The following C1QTNF1 variants were observed in gnomAD, a reference collection of about 807,000 sequenced individuals.
C1QTNF1 encodes C1q and TNF related 1, also known as complement C1q tumor necrosis factor-related protein 1.
C1QTNF1 carries 22 observed loss-of-function variants against 27.8 expected under a neutral mutation model. That is an observed-to-expected ratio of 0.79 (90% CI 0.56 to 1.13). The LOEUF (loss-of-function observed/expected upper bound fraction) is 1.13. C1QTNF1 is among the 50% of genes most tolerant of loss of function. The probability of loss-of-function intolerance (pLI) is 0.00; values close to 1 mark genes in which losing one functional copy is unlikely to be tolerated. For synonymous variants in C1QTNF1, 166 were observed against 154.3 expected, an observed-to-expected ratio of 1.08 and a Z score of -0.56; for missense variants, 373 against 380.2, an observed-to-expected ratio of 0.98 and a Z score of 0.16.
In C1QTNF1 at chr17:79,040,730, CAAAAAAAAAA is replaced by C. The variant is rs60302649; in HGVS notation, c.-14-3210_-14-3201del. Among the ~76,000 whole-genome samples the C allele has an allele frequency of 3.2e-4, 18 of 56,946 alleles. 1 individual carries two copies. The highest frequency in any genetic ancestry group is 2.3e-4 in the Non-Finnish European group (6 of 25,744). 37.4% of individuals were successfully genotyped at this position (56,946 alleles called of 152,430 possible). A position where few individuals can be genotyped will look rare whatever the true frequency, so the allele number is the denominator to read the frequency against. On this transcript the variant is annotated intron_variant, in intron 1 of 3. Coordinates refer to ENST00000579760, the MANE Select transcript of C1QTNF1 (RefSeq NM_030968.5). ...GCAACATGGTGAAAATTTGTCTCTA[CAAAAAAAAAA>C]AAAAAAAAAAAAAATTAGCTGGGTG...
At chr17:79,036,087 G>A (rs1363961864) in intron 1 of C1QTNF1, among the ~76,000 whole-genome samples, 2 of 152,224 alleles carry the variant, frequency 1.3e-5, no homozygotes, top group Non-Finnish European at 2.9e-5. Flanking sequence ...TTTTAATCTA[G>A]AACAGAGCTG....
At chr17:79,039,895 G>C (rs1318457809) in intron 1 of C1QTNF1, among the ~76,000 whole-genome samples, 1 of 151,800 alleles carries the variant, frequency 6.6e-6, no homozygotes, top group East Asian at 1.9e-4. Context: ...AATATTTAAA[G>C]AAAGGAAAAT....
chr17:79,043,594 T>TTG, intron 1 of C1QTNF1: 2 of 448,438 alleles, frequency 4.5e-6, no homozygotes, highest in Non-Finnish European at 8.9e-6. Context: ...TACATGTGTG[T>TTG]GGATTGCATG....
At position 79,049,725 on chromosome 17, in the gene C1QTNF1, C is replaced by T. The variant is rs1233951533; in HGVS notation, c.*1637C>T. The T allele has an allele frequency of 6.6e-6, 1 of 152,298 alleles. No individual in the cohort carries two copies. Among genetic ancestry groups the T allele is most frequent in the Non-Finnish European group, 1.5e-5 (1 of 68,086 alleles). 9.4% of individuals were successfully genotyped at this position (152,298 alleles called of 1,614,324 possible). Reference sequence around the variant, plus strand: ...GCGTGCCCGGAAGCAGAGCGCCACACTCGCTGCTTAAGCTCCCCCAGCTCT... The same window carrying T: ...GCGTGCCCGGAAGCAGAGCGCCACATTCGCTGCTTAAGCTCCCCCAGCTCT... On this transcript the variant is annotated 3_prime_UTR_variant, in exon 4 of 4. Coordinates refer to ENST00000579760, the MANE Select transcript of C1QTNF1 (RefSeq NM_030968.5). This position sits in a 1 kb window ranked among gnomAD's most constrained non-coding sequence, Gnocchi z 4.4.
chr17:79,025,819 CT>C, intron 1 of C1QTNF1: 1 of 294,842 alleles, frequency 3.4e-6, no homozygotes, highest in Non-Finnish European at 7.1e-6. Context: ...CACCCTCCCT[CT>C]TAGAGCTGCA....
At chr17:79,026,745 G>C (rs1347388595) in intron 1 of C1QTNF1, among the ~76,000 whole-genome samples, 1 of 152,154 alleles carries the variant, frequency 6.6e-6, no homozygotes, top group Admixed American at 6.5e-5. Flanking sequence ...GCCCCTCCCA[G>C]GCAGGTGCAG....
intron 1 of C1QTNF1, among the ~76,000 whole-genome samples, chr17:79,026,452 C>G (rs182692824): frequency 3.3e-5 from 5 of 152,228 alleles, no homozygotes; most frequent in Non-Finnish European, 2.9e-5. Context: ...CCGCGCCTGG[C>G]CTCCGGGGCG....
chr17:79,039,686 T>C (rs114711411), intron 1 of C1QTNF1, among the ~76,000 whole-genome samples: 3,549 of 147,686 alleles, frequency 0.024, 118 homozygotes, highest in African/African-American at 0.083. Context: ...CCAGCAATCC[T>C]TCAATGGTGC....
rs1392161505 is a variant in C1QTNF1, at chr17:79,044,082, G to A, written c.114G>A (p.Glu38=). The A allele has an allele frequency of 3.1e-6, 5 of 1,613,722 alleles. No individual in the cohort carries two copies. The Middle Eastern group carries it at 5.0e-4, about 161-fold the overall frequency. ...PHVQGEQQEW[E]GTEELPSPPD... ...TCCAGGGGGAACAGCAGGAGTGGGA[G>A]GGGACTGAGGAGCTGCCGTCGCCTC... The change falls in exon 2 of 4, where the codon GAG becomes GAA. Residue 38 remains glutamate (E), a synonymous_variant. Coordinates refer to ENST00000579760, the MANE Select transcript of C1QTNF1 (RefSeq NM_030968.5).
chr17:79,038,613 C>A (rs2072322417), intron 1 of C1QTNF1, among the ~76,000 whole-genome samples: 1 of 152,172 alleles, frequency 6.6e-6, no homozygotes. Context: ...TGCGATGAGG[C>A]CTGGAGACTG....
rs904080307 is a variant in C1QTNF1 at position 79,024,465 on chromosome 17, G to C, written c.-44G>C. 1 of 152,572 alleles carries C rather than the reference G, an allele frequency of 6.6e-6. No homozygotes were observed. Among genetic ancestry groups the C allele is most frequent in the African/African-American group, 2.4e-5 (1 of 41,446 alleles). The allele number at this position is 152,572 out of a possible 1,614,324, so 9.5% of individuals were successfully genotyped here. Reference sequence around the variant, plus strand: ...GGCCGGCGGGAGATGCTCTAGGGGCGGCGCGGGAGGAGCGGCCGGCGGGAC... The same window carrying C: ...GGCCGGCGGGAGATGCTCTAGGGGCCGCGCGGGAGGAGCGGCCGGCGGGAC... On this transcript the variant is annotated 5_prime_UTR_variant, in exon 1 of 4. Coordinates refer to ENST00000579760, the MANE Select transcript of C1QTNF1 (RefSeq NM_030968.5).
At chr17:79,030,570 T>C (rs2072114310) in intron 1 of C1QTNF1, among the ~76,000 whole-genome samples, 1 of 150,136 alleles carries the variant, frequency 6.7e-6, no homozygotes, top group Non-Finnish European at 1.5e-5. Context: ...TTTCTCTCTC[T>C]CTTTTCCTTC....
intron 1 of C1QTNF1, among the ~76,000 whole-genome samples, chr17:79,032,140 G>A (rs532829357): frequency 6.6e-6 from 1 of 152,188 alleles, no homozygotes; most frequent in Non-Finnish European, 1.5e-5. Context: ...GGGACAGGAC[G>A]AGGAAACCAA....
chr17:79,041,258 G>A (rs1412446837), intron 1 of C1QTNF1, among the ~76,000 whole-genome samples: 2 of 152,182 alleles, frequency 1.3e-5, no homozygotes, highest in African/African-American at 4.8e-5. Flanking sequence ...CTTGGAGGTG[G>A]GGGCTCCAGC....
intron 1 of C1QTNF1, among the ~76,000 whole-genome samples, chr17:79,029,317 T>A (rs1408668784): frequency 6.6e-6 from 1 of 152,216 alleles, no homozygotes; most frequent in African/African-American, 2.4e-5. Context: ...AAGTGTAATG[T>A]GCTTTGCTGT....
intron 1 of C1QTNF1, among the ~76,000 whole-genome samples, chr17:79,027,888 G>A (rs1162507460): frequency 6.6e-6 from 1 of 152,202 alleles, no homozygotes; most frequent in African/African-American, 2.4e-5. Context: ...TCCAGCAGGG[G>A]CACGGGGACC....
Position 79,046,532 on chromosome 17 carries a change from A to G in C1QTNF1, c.156-23A>G. 1.2e-6 allele frequency: 2 copies of G among 1,613,862 alleles called. No homozygotes were observed. Among genetic ancestry groups the G allele is most frequent in the Non-Finnish European group, 1.7e-6 (2 of 1,179,850 alleles). Reference sequence around the variant, plus strand: ...CCAGGCCTGAGAGTGGCTGACTTTCACTGTGATTCTTTATTCCCTCAGGGC... The same window carrying G: ...CCAGGCCTGAGAGTGGCTGACTTTCGCTGTGATTCTTTATTCCCTCAGGGC... On this transcript the variant is annotated intron_variant, in intron 2 of 3. Coordinates refer to ENST00000579760, the MANE Select transcript of C1QTNF1 (RefSeq NM_030968.5). This position sits in a 1 kb window ranked among gnomAD's most constrained non-coding sequence, Gnocchi z 4.8.
chr17:79,046,615 G>T lies in C1QTNF1; in HGVS notation c.216G>T (p.Arg72=). ...AGGACCAGGGGCTCCCTGCTTCCCG[G>T]TGCTTGCGCTGCTGTGACCCCGGTA... is the stretch of plus-strand genomic sequence containing the variant. ...PSQDQGLPAS[R]CLRCCDPGTS... is the part of the protein sequence containing the mutation. Residue 72 remains arginine (R), a synonymous_variant, in exon 3 of 4, where the codon CGG becomes CGT. Transcript: ENST00000579760. The surrounding 1 kb of genome is among the most constrained non-coding windows in gnomAD (Gnocchi z 4.8). 1.9e-6 allele frequency: 3 copies of T among 1,614,252 alleles called. No individual in the cohort carries two copies. The highest frequency in any genetic ancestry group is 2.5e-6 in the Non-Finnish European group (3 of 1,180,044).
At chr17:79,023,116 G>A (rs533756743), upstream of C1QTNF1, 1 of 152,354 alleles carries the variant, frequency 6.6e-6, no homozygotes, top group East Asian at 1.9e-4. Context: ...TGCTCTGAAT[G>A]TCCCAACCAG....
Sources: allele counts gnomAD v4.1 joint callset (sites outside exome capture counted in the v4.1 genomes callset), GRCh38; gene constraint gnomAD v4.1.1; non-coding constraint Gnocchi (gnomAD v3.1); transcripts MANE v1.5; gene names NCBI Gene and HGNC (gene_info 2026-07-23, HGNC 2026-07-21).